ACTA2: variants seen among roughly 807,000 people sequenced by gnomAD.
ACTA2 encodes actin alpha 2, smooth muscle, also known as actin, aortic smooth muscle.
ACTA2 carries 12 observed loss-of-function variants against 39.5 expected under a neutral mutation model. The ratio of observed to expected loss-of-function variants is 0.30; its 90% CI spans 0.19 to 0.49. ACTA2 has a LOEUF of 0.49. Among genes scored for constraint, ACTA2 ranks in the 20% least tolerant of loss-of-function variants. The pLI, the probability that ACTA2 is intolerant of heterozygous loss-of-function variation, is 0.99. For missense variants in ACTA2, 236 were observed against 498.8 expected, an observed-to-expected ratio of 0.47 and a Z score of 5.02; for synonymous variants, 158 against 180.6, an observed-to-expected ratio of 0.88 and a Z score of 1.00.
chr10:88,957,378 C>T (rs1846153820), upstream of ACTA2, among the ~76,000 whole-genome samples: 2 of 152,158 alleles, frequency 1.3e-5, no homozygotes, highest in Admixed American at 1.3e-4. Context: ...TTCTCTTTGT[C>T]ACCAAAGATA....
chr10:88,947,444 A>T, intron 2 of ACTA2, 58 bp from the exon 3 acceptor site: 1 of 1,607,604 alleles, frequency 6.2e-7, no homozygotes, highest in Non-Finnish European at 8.5e-7. Context: ...AATCAATTAC[A>T]GCCAAGCCAC....
intron 1 of ACTA2, among the ~76,000 whole-genome samples, chr10:88,949,369 A>G (rs1404293774): frequency 6.6e-6 from 1 of 152,192 alleles, no homozygotes; most frequent in Non-Finnish European, 1.5e-5. Flanking sequence ...GTATCAACCC[A>G]AATGCACATT....
chr10:88,985,814 G>A (rs1363410682), intron 1 of ACTA2, among the ~76,000 whole-genome samples: 1 of 152,200 alleles, frequency 6.6e-6, no homozygotes, highest in Non-Finnish European at 1.5e-5. Flanking sequence ...GTTGTTTGGG[G>A]GCAGGGAGGA....
intron 1 of ACTA2, among the ~76,000 whole-genome samples, chr10:88,982,123 A>G (rs904599368): frequency 5.9e-5 from 9 of 152,260 alleles, no homozygotes; most frequent in Admixed American, 6.5e-5. Context: ...TTCAAACCCC[A>G]GCTCTACAGC....
intron 1 of ACTA2, among the ~76,000 whole-genome samples, chr10:88,979,447 T>C (rs1846655642): frequency 6.6e-6 from 1 of 152,046 alleles, no homozygotes; most frequent in Admixed American, 6.6e-5. Context: ...GGCCAAATAA[T>C]TGTCAGGAAC....
intron 1 of ACTA2, among the ~76,000 whole-genome samples, chr10:88,959,171 T>A (rs1463941426): frequency 1.3e-5 from 2 of 152,250 alleles, no homozygotes; most frequent in Non-Finnish European, 2.9e-5. Flanking sequence ...TTTTATTTAA[T>A]CTTAATTACA....
chr10:88,938,351 G>T (rs1176382007), intron 7 of ACTA2, 109 bp from the exon 8 acceptor site: 1 of 1,242,584 alleles, frequency 8.0e-7, no homozygotes, highest in Non-Finnish European at 1.2e-6. Context: ...CTGAGGCTGG[G>T]AAGACATAAT....
At chr10:88,942,784 A>AT (rs1222076764) in intron 4 of ACTA2, among the ~76,000 whole-genome samples, 1 of 152,096 alleles carries the variant, frequency 6.6e-6, no homozygotes, top group Non-Finnish European at 1.5e-5. Flanking sequence ...AGGAACAATA[A>AT]TTCATCAGAA....
At chr10:88,939,985 G>A (rs544344408) in intron 6 of ACTA2, 100 of 457,654 alleles carry the variant, frequency 2.2e-4, no homozygotes, top group African/African-American at 1.7e-3. Flanking sequence ...ACACAGTAGC[G>A]GATCCTTTTG....
intron 1 of ACTA2, among the ~76,000 whole-genome samples, chr10:88,988,063 T>C (rs1333793247): frequency 1.3e-5 from 2 of 152,204 alleles, no homozygotes; most frequent in African/African-American, 4.8e-5. Flanking sequence ...AATGCTAAAG[T>C]TTTGGACTTG....
chr10:88,984,104 TTC>T (rs1224703707), intron 1 of ACTA2, among the ~76,000 whole-genome samples: 2 of 152,202 alleles, frequency 1.3e-5, no homozygotes, highest in African/African-American at 4.8e-5. Flanking sequence ...GCTATTCTAG[TTC>T]TGTTTATAAG....
chr10:88,952,225 T>C (rs1381232864), intron 1 of ACTA2, among the ~76,000 whole-genome samples: 1 of 152,162 alleles, frequency 6.6e-6, no homozygotes, highest in East Asian at 1.9e-4. Context: ...CAGAAGGGAA[T>C]ACACAAATTC....
chr10:88,975,572 T>C (rs1180526171), intron 1 of ACTA2, among the ~76,000 whole-genome samples: 1 of 151,952 alleles, frequency 6.6e-6, no homozygotes, highest in Non-Finnish European at 1.5e-5. Flanking sequence ...AATAAATGTG[T>C]GGGCTCTGGG....
intron 1 of ACTA2, among the ~76,000 whole-genome samples, chr10:88,976,454 C>T (rs1486413014): frequency 6.6e-6 from 1 of 152,182 alleles, no homozygotes; most frequent in African/African-American, 2.4e-5. Flanking sequence ...TTATGAGGAT[C>T]ACGGAAAATG....
intron 1 of ACTA2, among the ~76,000 whole-genome samples, chr10:88,984,242 G>C (rs1340312774): frequency 6.6e-6 from 1 of 152,186 alleles, no homozygotes; most frequent in Admixed American, 6.5e-5. Flanking sequence ...AGAAATAGTA[G>C]GAGCCAGTGC....
chr10:88,975,511 C>G (rs1846542180), intron 1 of ACTA2, among the ~76,000 whole-genome samples: 1 of 152,176 alleles, frequency 6.6e-6, no homozygotes, highest in Admixed American at 6.5e-5. Context: ...TCAGGTGGAA[C>G]AGTAGAGATG....
At chr10:88,985,937 T>A (rs1297708425) in intron 1 of ACTA2, among the ~76,000 whole-genome samples, 2 of 152,248 alleles carry the variant, frequency 1.3e-5, no homozygotes, top group Non-Finnish European at 2.9e-5. Context: ...CAGGCAAATA[T>A]TTTGTTTCAA....
At position 88,978,389 on chromosome 10, in the gene ACTA2, T is replaced by G. The variant is rs1230961745; in HGVS notation, c.-24+12550A>C. 2.6e-5 allele frequency among the ~76,000 whole-genome samples: 4 copies of G among 151,908 alleles called. No individual in the cohort carries two copies. The East Asian group carries it at 7.7e-4, about 29-fold the overall frequency. ...TAATGTGCACATGTACCCTAAAACT[T>G]AAAGTATAATAAAAAATAAATAAAT... On this transcript the variant is annotated intron_variant, in intron 1 of 4. Coordinates refer to the ACTA2 transcript ENST00000415557.
chr10:88,942,972 G>C (rs890405343), intron 4 of ACTA2, among the ~76,000 whole-genome samples: 13 of 152,208 alleles, frequency 8.5e-5, no homozygotes, highest in Non-Finnish European at 1.9e-4. Context: ...GGCTTTGCCA[G>C]TTCTAGCTGT....
Sources: gnomAD v4.1 joint callset for allele counts (sites outside exome capture counted in the v4.1 genomes callset) on GRCh38, gnomAD v4.1.1 for gene constraint, MANE v1.5 for transcripts, NCBI Gene and HGNC (gene_info 2026-07-23, HGNC 2026-07-21) for gene names.